DISP1: variants seen among roughly 807,000 people sequenced by gnomAD.
The protein encoded by DISP1 is dispatched RND transporter family member 1.
A neutral mutation model predicts 37.3 loss-of-function variants in DISP1; 30 were observed. That is an observed-to-expected ratio of 0.80 (90% CI 0.60 to 1.09). The LOEUF (loss-of-function observed/expected upper bound fraction) is 1.09. Ranked by LOEUF, DISP1 falls within the 50% of genes least tolerant of loss-of-function variation. DISP1 has a pLI of 0.00. For missense variants in DISP1, 1,598 were observed against 1,879.5 expected, an observed-to-expected ratio of 0.85 and a Z score of 2.77; for synonymous variants, 634 against 690.2, an observed-to-expected ratio of 0.92 and a Z score of 1.28.
intron 1 of DISP1, among the ~76,000 whole-genome samples, chr1:222,819,515 T>TACACAC (rs71175197): frequency 3.5e-4 from 49 of 139,284 alleles, no homozygotes; most frequent in South Asian, 1.4e-3. Context: ...GTTATATACA[T>TACACAC]ACACACACAC....
intron 3 of DISP1, among the ~76,000 whole-genome samples, chr1:222,973,881 C>G (rs1033164165): frequency 3.3e-5 from 5 of 152,204 alleles, no homozygotes; most frequent in African/African-American, 7.2e-5. Context: ...AGACCTGGCT[C>G]TGCCATTGAC....
intron 2 of DISP1, among the ~76,000 whole-genome samples, chr1:222,931,730 C>T (rs549405545): frequency 1.3e-4 from 19 of 146,354 alleles, no homozygotes; most frequent in Admixed American, 2.7e-4. Context: ...GGAACATGCT[C>T]TTTTATTAGA....
intron 1 of DISP1, among the ~76,000 whole-genome samples, chr1:222,900,855 A>G (rs1671537263): frequency 6.6e-6 from 1 of 152,192 alleles, no homozygotes; most frequent in African/African-American, 2.4e-5. Flanking sequence ...AGGGAAATCT[A>G]TGCACTATTT....
At chr1:222,854,857 A>G (rs1668465840) in intron 1 of DISP1, among the ~76,000 whole-genome samples, 1 of 151,910 alleles carries the variant, frequency 6.6e-6, no homozygotes, top group Non-Finnish European at 1.5e-5. Context: ...GATGAACAAG[A>G]TTTTGGGGAA....
At chr1:222,963,937 T>A (rs1676263636) in intron 3 of DISP1, among the ~76,000 whole-genome samples, 1 of 152,008 alleles carries the variant, frequency 6.6e-6, no homozygotes, top group African/African-American at 2.4e-5. Context: ...TTAGAAGAAT[T>A]CTTAGAATCT....
At chr1:222,962,929 G>A (rs1451537148) in intron 3 of DISP1, among the ~76,000 whole-genome samples, 1 of 152,162 alleles carries the variant, frequency 6.6e-6, no homozygotes, top group African/African-American at 2.4e-5. Flanking sequence ...ATTGACAAAT[G>A]GGATCTAATT....
intron 1 of DISP1, among the ~76,000 whole-genome samples, chr1:222,917,863 T>G (rs1240705116): frequency 1.3e-5 from 2 of 152,152 alleles, no homozygotes; most frequent in Non-Finnish European, 2.9e-5. Flanking sequence ...CAATGTTGGT[T>G]CAAGCAATGG....
chr1:222,987,045 G>GGATA (rs911358848), intron 4 of DISP1, among the ~76,000 whole-genome samples: 4 of 125,896 alleles, frequency 3.2e-5, no homozygotes, highest in Admixed American at 8.3e-5. Context: ...CACAGGATAT[G>GGATA]GATATATATA....
At position 223,005,546 on chromosome 1, in the gene DISP1, G is replaced by A; in HGVS notation, c.4149G>A (p.Glu1383=). Residue 1383 remains glutamate (E), a synonymous_variant, in exon 9 of 9, where the codon GAG becomes GAA. Transcript: ENST00000675850. ...ACAGTCTTCAGAGGAGCATAGAAGA[G>A]CATCTTCCAAAGATGGCAGAGCCAT... is the stretch of plus-strand genomic sequence containing the variant. ...NVHSLQRSIE[E]HLPKMAEPSS... The A allele has an allele frequency of 1.2e-6, 2 of 1,614,122 alleles. No individual in the cohort carries two copies. Among genetic ancestry groups the A allele is most frequent in the South Asian group, 1.1e-5 (1 of 91,086 alleles).
chr1:222,927,086 A>G (rs1472451047), intron 1 of DISP1, among the ~76,000 whole-genome samples: 2 of 151,922 alleles, frequency 1.3e-5, no homozygotes, highest in African/African-American at 4.8e-5. Flanking sequence ...TCTATGTTCA[A>G]TATTTTGAGG....
intron 8 of DISP1, among the ~76,000 whole-genome samples, chr1:222,997,469 G>A (rs917980908): frequency 3.9e-5 from 6 of 152,096 alleles, no homozygotes; most frequent in Non-Finnish European, 1.5e-5. Flanking sequence ...TTTTAACAGC[G>A]TGCTTAGAAG....
At position 223,004,405 on chromosome 1, in the gene DISP1, C is replaced by A. The variant is rs776345397; in HGVS notation, c.3008C>A (p.Thr1003Asn). The A allele has an allele frequency of 6.2e-7, 1 of 1,614,198 alleles. No homozygotes were observed. Among genetic ancestry groups the A allele is most frequent in the East Asian group, 2.2e-5 (1 of 44,874 alleles). Residue 1003 changes from threonine (T) to asparagine (N), a missense_variant, in exon 9 of 9, where the codon ACT becomes AAT. Transcript: ENST00000675850. This position sits in a 1 kb window ranked among gnomAD's most constrained non-coding sequence, Gnocchi z 4.9. ...GCATTTAGCGTGATGCTGCTGACAA[C>A]TTGGAACATCATCATAAGCCTTTAT... ...AVAFSVMLLT[T>N]WNIIISLYAI... is the part of the protein sequence containing the mutation.
chr1:222,896,714 A>G (rs1350790727), intron 1 of DISP1, among the ~76,000 whole-genome samples: 1 of 152,220 alleles, frequency 6.6e-6, no homozygotes, highest in African/African-American at 2.4e-5. Flanking sequence ...GAACTCTTAC[A>G]TGGCAAACAA....
chr1:222,923,451 G>T (rs548565181), intron 1 of DISP1, among the ~76,000 whole-genome samples: 1 of 152,202 alleles, frequency 6.6e-6, no homozygotes, highest in East Asian at 1.9e-4. Context: ...TACCTTATTG[G>T]GGAGCAAAGA....
chr1:222,967,148 A>G (rs1254533808), intron 3 of DISP1, among the ~76,000 whole-genome samples: 1 of 152,144 alleles, frequency 6.6e-6, no homozygotes, highest in African/African-American at 2.4e-5. Flanking sequence ...TACATTATAT[A>G]TATACATGTA....
At chr1:222,936,433 G>A (rs1166031850) in intron 2 of DISP1, among the ~76,000 whole-genome samples, 2 of 150,854 alleles carry the variant, frequency 1.3e-5, no homozygotes, top group Non-Finnish European at 2.9e-5. Flanking sequence ...TATTTCCTGA[G>A]TTCCAAACAG....
intron 1 of DISP1, among the ~76,000 whole-genome samples, chr1:222,894,221 C>T (rs1028065513): frequency 1.2e-4 from 18 of 152,216 alleles, no homozygotes; most frequent in Admixed American, 2.6e-4. Context: ...GGCTTCAGGC[C>T]GTCCCTGGCT....
intron 4 of DISP1, 74 bp downstream of exon 4, chr1:222,983,183 T>A: frequency 8.6e-7 from 1 of 1,161,754 alleles, no homozygotes; most frequent in Non-Finnish European, 1.3e-6. Context: ...ATTTTCTCCG[T>A]ATTTTGCTGT....
chr1:222,989,804 T>C (rs1572710952), intron 4 of DISP1, among the ~76,000 whole-genome samples: 1 of 39,114 alleles, frequency 2.6e-5, no homozygotes. Flanking sequence ...GTGTTTAGTT[T>C]AGTTTTTTTT....
Sources: allele counts gnomAD v4.1 joint callset (sites outside exome capture counted in the v4.1 genomes callset), GRCh38; gene constraint gnomAD v4.1.1; non-coding constraint Gnocchi (gnomAD v3.1); transcripts MANE v1.5; gene names NCBI Gene and HGNC (gene_info 2026-07-23, HGNC 2026-07-21).